The following PCDHGA10 variants were observed in gnomAD, a reference collection of about 807,000 sequenced individuals.
PCDHGA10 encodes protocadherin gamma-A10.
A neutral mutation model predicts 59.5 loss-of-function variants in PCDHGA10; 42 were observed. That is an observed-to-expected ratio of 0.71 (90% CI 0.55 to 0.91). The LOEUF is 0.91. PCDHGA10 is among the 40% of genes least tolerant of loss of function. PCDHGA10 has a pLI of 0.00. For missense variants in PCDHGA10, 1,111 were observed against 1,198.2 expected, an observed-to-expected ratio of 0.93 and a Z score of 1.07; for synonymous variants, 511 against 517.2, an observed-to-expected ratio of 0.99 and a Z score of 0.16.
At chr5:141,428,163 C>T (rs759273230) in intron 1 of PCDHGA10, 77 of 1,564,636 alleles carry the variant, frequency 4.9e-5, no homozygotes, top group Non-Finnish European at 6.3e-5. Flanking sequence ...CTGCTGGTTG[C>T]TGTGCGTGAC....
At position 141,491,303 on chromosome 5, in the gene PCDHGA10, C is replaced by T; in HGVS notation, c.2437-3504C>T. On this transcript the variant is annotated intron_variant, in intron 1 of 3. Coordinates refer to ENST00000398610, the MANE Select transcript of PCDHGA10 (RefSeq NM_018913.3). This position sits in a 1 kb window ranked among gnomAD's most constrained non-coding sequence, Gnocchi z 6.9. ...TTCCTCATACACCCTCCTGAGCGTT[C>T]AGACCTTACCCTTTACCTCATTGTG... 6.2e-7 allele frequency: 1 copy of T among 1,614,132 alleles called. No homozygotes were observed. The highest frequency in any genetic ancestry group is 8.5e-7 in the Non-Finnish European group (1 of 1,179,962).
chr5:141,423,325 G>A lies in PCDHGA10; in HGVS notation c.2436+7714G>A, dbSNP rs201044967. ...GCTGTACTTGGTGGTGGCGGTGGCCGCAGTCTCCTGCATCTTCCTGGTCTT... is the reference window on the plus strand; with the variant it reads ...GCTGTACTTGGTGGTGGCGGTGGCCACAGTCTCCTGCATCTTCCTGGTCTT... On this transcript the variant is annotated intron_variant, in intron 1 of 3. Coordinates refer to ENST00000398610, the MANE Select transcript of PCDHGA10 (RefSeq NM_018913.3). 133 of 1,614,016 alleles carry A rather than the reference G, an allele frequency of 8.2e-5. No individual in the cohort carries two copies. Among genetic ancestry groups the A allele is most frequent in the Non-Finnish European group, 4.1e-5 (48 of 1,180,008 alleles).
chr5:141,418,284 T>A (rs766608852), intron 1 of PCDHGA10: 19 of 1,613,826 alleles, frequency 1.2e-5, no homozygotes, highest in Non-Finnish European at 1.4e-5. Flanking sequence ...AACTTAGAAA[T>A]CAGTGAATCC....
intron 1 of PCDHGA10, among the ~76,000 whole-genome samples, chr5:141,488,511 G>A (rs2099676160): frequency 6.6e-6 from 1 of 152,162 alleles, no homozygotes. Context: ...CCACATTTGG[G>A]GTCTGGGGTG....
At chr5:141,419,449 C>T (rs780917543) in intron 1 of PCDHGA10, 5 of 1,612,958 alleles carry the variant, frequency 3.1e-6, no homozygotes, top group Non-Finnish European at 4.2e-6. Context: ...CCTTCGAGCT[C>T]ACGCTGCAGG....
At chr5:141,446,365 G>T (rs2098499873) in intron 1 of PCDHGA10, among the ~76,000 whole-genome samples, 1 of 152,194 alleles carries the variant, frequency 6.6e-6, no homozygotes, top group Non-Finnish European at 1.5e-5. Flanking sequence ...GATGAGAATG[G>T]AAGACTAAAG....
chr5:141,472,878 C>G (rs774209715), intron 1 of PCDHGA10, among the ~76,000 whole-genome samples: 1 of 146,132 alleles, frequency 6.8e-6, no homozygotes, highest in East Asian at 2.1e-4. Context: ...CCCAGCTACT[C>G]GGGAGGCTGA....
In PCDHGA10 at chr5:141,485,578, G is replaced by A; in HGVS notation, c.2437-9229G>A. ...ATGATCACGCCCCCCGTTTTCCGCG[G>A]CAGCAGCTGGACTTGGAAATTGGGG... is the stretch of plus-strand genomic sequence containing the variant. On this transcript the variant is annotated intron_variant, in intron 1 of 3. Transcript: ENST00000398610. This position sits in a 1 kb window ranked among gnomAD's most constrained non-coding sequence, Gnocchi z 5.7. 6.2e-7 allele frequency: 1 copy of A among 1,612,362 alleles called. No homozygotes were observed. Among genetic ancestry groups the A allele is most frequent in the Non-Finnish European group, 8.5e-7 (1 of 1,178,688 alleles).
At chr5:141,505,341 A>G in intron 2 of PCDHGA10, 52 bp from the exon 3 acceptor site, 3 of 1,612,728 alleles carry the variant, frequency 1.9e-6, no homozygotes, top group Non-Finnish European at 2.5e-6. Context: ...CAGGAGGGGC[A>G]TGAGCTGTGC....
At position 141,414,198 on chromosome 5, in the gene PCDHGA10, A is replaced by G. The variant is rs1561747621; in HGVS notation, c.1023A>G (p.Val341=). The part of the protein sequence containing the change: ...YLATAKVLIT[V]EDVNDNSPEL... ...CAACTGCAAAAGTGTTGATTACAGT[A>G]GAAGATGTAAATGACAACAGTCCAG... Residue 341 remains valine, a synonymous_variant, in exon 1 of 4, where the codon GTA becomes GTG. Transcript: ENST00000398610. 2 of 1,611,542 alleles carry G rather than the reference A, an allele frequency of 1.2e-6. No homozygotes were observed. The highest frequency in any genetic ancestry group is 1.7e-6 in the Non-Finnish European group (2 of 1,178,734).
chr5:141,473,048 A>T (rs1295750830), intron 1 of PCDHGA10, among the ~76,000 whole-genome samples: 4 of 151,992 alleles, frequency 2.6e-5, no homozygotes, highest in Non-Finnish European at 5.9e-5. Flanking sequence ...GAAAGAAAGA[A>T]GTGATACAAC....
chr5:141,432,700 G>A lies in PCDHGA10; in HGVS notation c.2436+17089G>A. On this transcript the variant is annotated intron_variant, in intron 1 of 3. Transcript: ENST00000398610. The surrounding 1 kb of genome is among the most constrained non-coding windows in gnomAD (Gnocchi z 6.0). ...AGCAGAGCCTCGTAGTGGCCGTCCAGGACCACGGCCAGCCCCCTCTCTCCG... is the reference window on the plus strand; with the variant it reads ...AGCAGAGCCTCGTAGTGGCCGTCCAAGACCACGGCCAGCCCCCTCTCTCCG... The A allele has an allele frequency of 6.2e-7, 1 of 1,613,980 alleles. No individual in the cohort carries two copies. The highest frequency in any genetic ancestry group is 8.5e-7 in the Non-Finnish European group (1 of 1,179,978).
chr5:141,511,453 T>G lies in PCDHGA10; in HGVS notation c.*280T>G. 1.7e-6 allele frequency: 1 copy of G among 595,822 alleles called. No individual in the cohort carries two copies. Among genetic ancestry groups the G allele is most frequent in the Non-Finnish European group, 2.8e-6 (1 of 360,062 alleles). 36.9% of individuals were successfully genotyped at this position (595,822 alleles called of 1,614,324 possible). ...GGTTACTGTAGACACCAAGAACCATTTGCCACACCCCGTTTAGTTACAGCT... is the reference window on the plus strand; with the variant it reads ...GGTTACTGTAGACACCAAGAACCATGTGCCACACCCCGTTTAGTTACAGCT... On this transcript the variant is annotated 3_prime_UTR_variant, in exon 4 of 4. Transcript: ENST00000398610.
intron 2 of PCDHGA10, among the ~76,000 whole-genome samples, chr5:141,497,478 C>T (rs974494984): frequency 6.0e-5 from 9 of 150,954 alleles, no homozygotes; most frequent in South Asian, 4.2e-4. Context: ...GGAGAAGGTG[C>T]GGAACCTCTC....
intron 1 of PCDHGA10, chr5:141,421,806 A>G: frequency 6.2e-7 from 1 of 1,613,842 alleles, no homozygotes; most frequent in Non-Finnish European, 8.5e-7. Context: ...CCAAGAATCC[A>G]GAGCTAGTAC....
At chr5:141,422,333 T>C in intron 1 of PCDHGA10, 1 of 1,549,594 alleles carries the variant, frequency 6.5e-7, no homozygotes, top group Non-Finnish European at 8.7e-7. Flanking sequence ...GTGATTGCTC[T>C]TCTAAATGTG....
intron 2 of PCDHGA10, among the ~76,000 whole-genome samples, chr5:141,497,293 C>T (rs1270907262): frequency 6.6e-6 from 1 of 152,136 alleles, no homozygotes. Flanking sequence ...TACCTACCAC[C>T]ACCCCAGGCC....
intron 1 of PCDHGA10, among the ~76,000 whole-genome samples, chr5:141,425,696 A>G (rs1033976807): frequency 1.3e-4 from 20 of 152,242 alleles, no homozygotes; most frequent in African/African-American, 4.3e-4. Context: ...ATCATTTCAT[A>G]GTGGTCAAAA....
rs1562106021 is a variant in PCDHGA10 at position 141,485,561 on chromosome 5, G to T, written c.2437-9246G>T. 6.2e-7 allele frequency: 1 copy of T among 1,613,008 alleles called. No individual in the cohort carries two copies. Among genetic ancestry groups the T allele is most frequent in the Non-Finnish European group, 8.5e-7 (1 of 1,179,122 alleles). ...AGAGATCGTAGATGTGAATGATCAC[G>T]CCCCCCGTTTTCCGCGGCAGCAGCT... On this transcript the variant is annotated intron_variant, in intron 1 of 3. Coordinates refer to ENST00000398610, the MANE Select transcript of PCDHGA10 (RefSeq NM_018913.3). The surrounding 1 kb of genome is among the most constrained non-coding windows in gnomAD (Gnocchi z 5.7).
Sources: allele counts gnomAD v4.1 joint callset (sites outside exome capture counted in the v4.1 genomes callset), GRCh38; gene constraint gnomAD v4.1.1; non-coding constraint Gnocchi (gnomAD v3.1); transcripts MANE v1.5; gene names NCBI Gene and HGNC (gene_info 2026-07-23, HGNC 2026-07-21).